The following ACSM1 variants were observed in gnomAD, a reference collection of about 807,000 sequenced individuals.
ACSM1 encodes the protein acyl-CoA synthetase medium chain family member 1, also known as acyl-coenzyme A synthetase ACSM1, mitochondrial.
In ACSM1, 79 loss-of-function variants were observed where a neutral mutation model predicts 75.8. The observed-to-expected ratio is 1.04, with a 90% CI of 0.87 to 1.26. The LOEUF is 1.26. Among genes scored for constraint, ACSM1 ranks in the 50% most tolerant of loss-of-function variants. The pLI is 0.00. For synonymous variants in ACSM1, 279 were observed against 265.8 expected (o/e 1.05, Z -0.48); for missense variants, 676 against 720.1 (o/e 0.94, Z 0.70).
intron 1 of ACSM1, among the ~76,000 whole-genome samples, chr16:20,692,654 A>G (rs2079664988): frequency 6.6e-6 from 1 of 152,208 alleles, no homozygotes; most frequent in Admixed American, 6.5e-5. Context: ...TTCTTTATAG[A>G]ATGTGGATTT....
Position 20,682,328 on chromosome 16 carries a change from G to A in ACSM1, c.539C>T (p.Pro180Leu). Residue 180 changes from proline to leucine, a missense_variant, in exon 4 of 14, where the codon CCC becomes CTC. Physicochemically the swap from Pro to Leu is moderately conservative, Grantham distance 98. Coordinates refer to ENST00000520010, the MANE Select transcript of ACSM1 (RefSeq NM_001318890.3). ...SEVDSIASQC[P>L]SLKTKLLVSD... ...CACCAGGAGCTTGGTTTTCAGAGAG[G>A]GGCACTGAGAAGCTATGGAGTCCAC... is the stretch of plus-strand genomic sequence containing the variant. The A allele has an allele frequency of 6.2e-7, 1 of 1,613,996 alleles. No individual in the cohort carries two copies. The highest frequency in any genetic ancestry group is 8.5e-7 in the Non-Finnish European group (1 of 1,179,970).
chr16:20,640,077 C>T (rs1308472280), intron 8 of ACSM1, among the ~76,000 whole-genome samples: 3 of 152,200 alleles, frequency 2.0e-5, no homozygotes, highest in African/African-American at 7.2e-5. Flanking sequence ...AAGAACAGAA[C>T]TCAAAAATCA....
intron 9 of ACSM1, 85 bp downstream of exon 9, chr16:20,637,286 T>C (rs2017777005): frequency 1.3e-5 from 13 of 1,031,616 alleles, no homozygotes; most frequent in Non-Finnish European, 2.0e-5. Flanking sequence ...AGCAGGGAAG[T>C]GCGGCTGGTG....
chr16:20,661,919 A>G (rs762349420), intron 6 of ACSM1, 46 bp from the exon 7 acceptor site: 20 of 1,316,382 alleles, frequency 1.5e-5, no homozygotes, highest in Non-Finnish European at 2.0e-5. Context: ...AGTTAAGGTT[A>G]AACTAACAGC....
chr16:20,638,436 C>T (rs1258110066), intron 8 of ACSM1, among the ~76,000 whole-genome samples: 2 of 152,226 alleles, frequency 1.3e-5, no homozygotes, highest in African/African-American at 4.8e-5. Flanking sequence ...CTGTTTCCTT[C>T]AGTAGATAAT....
chr16:20,684,949 G>A (rs1004224857), intron 3 of ACSM1, among the ~76,000 whole-genome samples: 8 of 152,106 alleles, frequency 5.3e-5, no homozygotes, highest in African/African-American at 1.7e-4. Flanking sequence ...TTGTGAGGGA[G>A]TATGAGAAAG....
At chr16:20,676,946 A>C (rs1045543054) in intron 4 of ACSM1, among the ~76,000 whole-genome samples, 1 of 152,206 alleles carries the variant, frequency 6.6e-6, no homozygotes, top group Non-Finnish European at 1.5e-5. Flanking sequence ...GAAAGGCAGG[A>C]CATAAAGTGT....
rs377673707 is a variant in ACSM1, at chr16:20,696,529, G to C, written c.-52+1107C>G. Among the ~76,000 whole-genome samples, 21 of 152,330 alleles carry C rather than the reference G, an allele frequency of 1.4e-4. No homozygotes were observed. In the South Asian group the frequency reaches 4.1e-3, roughly 30 times the overall value. ...GAAAAATGTATTTTTTCTTTCTCAAGTATTTACTATAGATGTACCATGTAC... is the reference window on the plus strand; with the variant it reads ...GAAAAATGTATTTTTTCTTTCTCAACTATTTACTATAGATGTACCATGTAC... On this transcript the variant is annotated intron_variant, in intron 1 of 13. Transcript: ENST00000520010.
chr16:20,636,197 AT>A (rs1415063462), intron 10 of ACSM1, among the ~76,000 whole-genome samples: 3 of 152,170 alleles, frequency 2.0e-5, no homozygotes, highest in Non-Finnish European at 4.4e-5. Flanking sequence ...CTTTGTGGCC[AT>A]TCCTATCCTG....
chr16:20,685,138 C>A, intron 3 of ACSM1, 55 bp downstream of exon 3: 1 of 1,583,354 alleles, frequency 6.3e-7, no homozygotes, highest in Non-Finnish European at 8.7e-7. Flanking sequence ...TATCTCAGGA[C>A]CCATTGGTTC....
rs1215273957 is a variant in ACSM1, at chr16:20,671,652, T to TA, written c.630_631insT (p.Thr211TyrfsTer4). The TA allele has an allele frequency of 2.5e-6, 4 of 1,603,828 alleles. No individual in the cohort carries two copies. The South Asian group carries it at 4.5e-5, about 18-fold the overall frequency. ...TCCAAGGTCTTTGACTTAACACAGGTGTGTTCTGGGGATGCTGATCTGCAA... is the reference window on the plus strand; with the variant it reads ...TCCAAGGTCTTTGACTTAACACAGGTAGTGTTCTGGGGATGCTGATCTGCAA... On this transcript the variant is annotated frameshift_variant, in exon 5 of 14. Transcript: ENST00000520010. LOFTEE classifies it high-confidence loss of function.
chr16:20,628,991 TA>T (rs1252781514), intron 10 of ACSM1, among the ~76,000 whole-genome samples: 1 of 152,194 alleles, frequency 6.6e-6, no homozygotes, highest in African/African-American at 2.4e-5. Flanking sequence ...AACATCAAAT[TA>T]CATCCCTTTT....
chr16:20,644,384 A>G (rs1411105104), intron 7 of ACSM1, among the ~76,000 whole-genome samples: 1 of 152,242 alleles, frequency 6.6e-6, no homozygotes, highest in Non-Finnish European at 1.5e-5. Context: ...CTGTGAGGAA[A>G]AGGTGATTTA....
intron 7 of ACSM1, among the ~76,000 whole-genome samples, chr16:20,650,397 G>T (rs1324641096): frequency 1.3e-5 from 2 of 152,028 alleles, no homozygotes; most frequent in Non-Finnish European, 2.9e-5. Context: ...GAGTGTCTGG[G>T]AGCTTGACCC....
chr16:20,690,120 G>A (rs1165621120), intron 2 of ACSM1, among the ~76,000 whole-genome samples: 2 of 152,210 alleles, frequency 1.3e-5, no homozygotes, highest in Non-Finnish European at 2.9e-5. Context: ...GTGGTGGGGA[G>A]GAAGATGCCA....
chr16:20,641,124 A>G (rs1032309663), intron 7 of ACSM1, among the ~76,000 whole-genome samples: 1 of 151,880 alleles, frequency 6.6e-6, no homozygotes, highest in Admixed American at 6.6e-5. Flanking sequence ...AGAGAGGGAG[A>G]AGCATTACAG....
At chr16:20,625,338 T>C in intron 12 of ACSM1, 85 bp downstream of exon 12, 1 of 1,347,146 alleles carries the variant, frequency 7.4e-7, no homozygotes, top group Non-Finnish European at 1.0e-6. Context: ...CCACCAAGGC[T>C]GCACAGGTAA....
At chr16:20,647,053 C>T (rs1467089751) in intron 7 of ACSM1, among the ~76,000 whole-genome samples, 1 of 152,232 alleles carries the variant, frequency 6.6e-6, no homozygotes, top group South Asian at 2.1e-4. Flanking sequence ...GCCTCAATTT[C>T]CTTTCCCTCT....
chr16:20,665,054 C>T (rs902827590), intron 6 of ACSM1, among the ~76,000 whole-genome samples: 2 of 151,754 alleles, frequency 1.3e-5, no homozygotes, highest in Admixed American at 6.6e-5. Flanking sequence ...AGAAAGATCG[C>T]TAATTAAGAA....
Sources: allele counts gnomAD v4.1 joint callset (sites outside exome capture counted in the v4.1 genomes callset), GRCh38; gene constraint gnomAD v4.1.1; transcripts MANE v1.5; gene names NCBI Gene and HGNC (gene_info 2026-07-23, HGNC 2026-07-21).